Variants in PIK3CA observed in about 807,000 individuals in gnomAD.
The protein encoded by PIK3CA is phosphatidylinositol-4,5-bisphosphate 3-kinase catalytic subunit alpha, also known as phosphatidylinositol 4,5-bisphosphate 3-kinase catalytic subunit alpha isoform.
PIK3CA carries 27 observed loss-of-function variants against 138.2 expected under a neutral mutation model. The ratio of observed to expected loss-of-function variants is 0.20; its 90% CI spans 0.14 to 0.27. The LOEUF (loss-of-function observed/expected upper bound fraction) is 0.27, where lower values mean the gene tolerates loss of function less well. Among genes scored for constraint, PIK3CA ranks in the 10% least tolerant of loss-of-function variants. The pLI is 1.00. For synonymous variants in PIK3CA, 358 were observed against 413.2 expected (o/e 0.87, Z 1.62); for missense variants, 544 against 1,277.4 (o/e 0.43, Z 8.75).
At chr3:179,181,587 A>G (rs1723847725) in intron 1 of PIK3CA, among the ~76,000 whole-genome samples, 1 of 152,118 alleles carries the variant, frequency 6.6e-6, no homozygotes, top group Admixed American at 6.5e-5. Context: ...AGGACCCATA[A>G]TTTTATTTTT....
intron 16 of PIK3CA, among the ~76,000 whole-genome samples, chr3:179,225,155 C>T (rs1267234522): frequency 1.3e-5 from 2 of 151,192 alleles, no homozygotes; most frequent in Non-Finnish European, 2.9e-5. Context: ...TTCTAATTAT[C>T]ATTTGCTTAG....
chr3:179,210,849 A>G (rs1432310335), intron 9 of PIK3CA, among the ~76,000 whole-genome samples: 1 of 152,258 alleles, frequency 6.6e-6, no homozygotes, highest in Non-Finnish European at 1.5e-5. Context: ...TGAACTAAAC[A>G]GACCTTCATT....
chr3:179,189,165 A>G (rs1186469366), intron 1 of PIK3CA, among the ~76,000 whole-genome samples: 5 of 152,098 alleles, frequency 3.3e-5, no homozygotes, highest in Non-Finnish European at 7.4e-5. Flanking sequence ...AGTGAGCCGA[A>G]ATCATGCCAC....
intron 1 of PIK3CA, among the ~76,000 whole-genome samples, chr3:179,156,006 G>A (rs1409614348): frequency 2.6e-5 from 4 of 152,200 alleles, no homozygotes; most frequent in African/African-American, 7.2e-5. Flanking sequence ...CCCAAATGCT[G>A]AGATTCCTAG....
chr3:179,163,709 G>A (rs150067831), intron 1 of PIK3CA, among the ~76,000 whole-genome samples: 7 of 152,132 alleles, frequency 4.6e-5, no homozygotes, highest in South Asian at 4.1e-4. Flanking sequence ...TACTAAAGAG[G>A]AAATGCAGGT....
At chr3:179,149,458 A>G (rs1722952628) in intron 1 of PIK3CA, 1 of 152,172 alleles carries the variant, frequency 6.6e-6, no homozygotes, top group Non-Finnish European at 1.5e-5. Flanking sequence ...CAGACTTGGG[A>G]ATCGAAAGCT....
chr3:179,163,406 A>G (rs536081825), intron 1 of PIK3CA, among the ~76,000 whole-genome samples: 65 of 152,286 alleles, frequency 4.3e-4, no homozygotes, highest in Non-Finnish European at 6.9e-4. Flanking sequence ...CTCTAGTCCA[A>G]GCTACTCAGG....
chr3:179,193,806 T>G (rs1724195910), intron 1 of PIK3CA, among the ~76,000 whole-genome samples: 1 of 152,248 alleles, frequency 6.6e-6, no homozygotes, highest in Non-Finnish European at 1.5e-5. Flanking sequence ...GAATCTTTAG[T>G]CCTGGCATTC....
At chr3:179,161,946 A>G (rs187925107) in intron 1 of PIK3CA, among the ~76,000 whole-genome samples, 3 of 152,298 alleles carry the variant, frequency 2.0e-5, no homozygotes, top group Admixed American at 2.0e-4. Context: ...TATTCAATAT[A>G]CCCTATAATT....
intron 9 of PIK3CA, 116 bp downstream of exon 9, chr3:179,210,681 G>A: frequency 1.1e-6 from 1 of 939,538 alleles, no homozygotes; most frequent in Non-Finnish European, 1.6e-6. Flanking sequence ...ATGAACTCTA[G>A]GACCAATATT....
At chr3:179,191,678 C>T (rs145262122) in intron 1 of PIK3CA, among the ~76,000 whole-genome samples, 3,745 of 152,048 alleles carry the variant, frequency 0.025, 153 homozygotes, top group African/African-American at 0.086. Context: ...CTCTTGTTGC[C>T]CAGGCTAGAG....
intron 1 of PIK3CA, among the ~76,000 whole-genome samples, chr3:179,171,044 C>T (rs931943001): frequency 1.3e-5 from 2 of 151,940 alleles, no homozygotes; most frequent in African/African-American, 4.8e-5. Flanking sequence ...TACTGGCCCA[C>T]AAAAATGAAA....
intron 4 of PIK3CA, among the ~76,000 whole-genome samples, chr3:179,202,691 C>G (rs959970046): frequency 6.6e-6 from 1 of 152,140 alleles, no homozygotes; most frequent in African/African-American, 2.4e-5. Flanking sequence ...AAAATTCAGA[C>G]CAGTATATTT....
intron 5 of PIK3CA, 146 bp from the exon 6 acceptor site, chr3:179,204,357 G>T (rs1724499317): frequency 4.2e-6 from 2 of 478,418 alleles, no homozygotes; most frequent in Non-Finnish European, 7.8e-6. Context: ...CTCTACATCA[G>T]TATTAACGTG....
At position 179,204,538 on chromosome 3, in the gene PIK3CA, A is replaced by T. The variant is rs767117813; in HGVS notation, c.1095A>T (p.Glu365Asp). 6.3e-7 allele frequency: 1 copy of T among 1,593,554 alleles called. No homozygotes were observed. The highest frequency in any genetic ancestry group is 8.6e-7 in the Non-Finnish European group (1 of 1,161,604). Residue 365 changes from glutamate to aspartate, a missense_variant, in exon 6 of 21, where the codon GAA (glutamate) becomes GAT (aspartate). By Grantham distance (45) the Glu-to-Asp change is conservative. Transcript: ENST00000263967. ...GAACAGGTATCTACCATGGAGGAGA[A>T]CCCTTATGTGACAATGTGAACACTC... is the stretch of plus-strand genomic sequence containing the variant. ...YVRTGIYHGGEPLCDNVNTQR... is the reference protein window; with the variant it reads ...YVRTGIYHGGDPLCDNVNTQR...
In PIK3CA at chr3:179,220,285, A is replaced by C. The variant is rs1184456176; in HGVS notation, c.2015+233A>C. Among the ~76,000 whole-genome samples the C allele has an allele frequency of 6.6e-6, 1 of 152,172 alleles. No homozygotes were observed. Among genetic ancestry groups the C allele is most frequent in the Non-Finnish European group, 1.5e-5 (1 of 68,004 alleles). On this transcript the variant is annotated intron_variant, in intron 13 of 20. Transcript: ENST00000263967. The surrounding 1 kb of genome is among the most constrained non-coding windows in gnomAD (Gnocchi z 4.1). Reference sequence around the variant, plus strand: ...CATGAATGAGAGCTTAAATATTTTTAAAGATTTTTGTTCTACTTAAGTCAA... The same window carrying C: ...CATGAATGAGAGCTTAAATATTTTTCAAGATTTTTGTTCTACTTAAGTCAA...
At chr3:179,209,791 T>C (rs1724660537) in intron 7 of PIK3CA, 91 bp downstream of exon 7, 2 of 606,778 alleles carry the variant, frequency 3.3e-6, no homozygotes, top group East Asian at 6.1e-5. Flanking sequence ...GGATGTTATT[T>C]TATATTTAAG....
chr3:179,222,449 AAAG>A, intron 14 of PIK3CA, among the ~76,000 whole-genome samples: 1 of 152,352 alleles, frequency 6.6e-6, no homozygotes, highest in East Asian at 1.9e-4. Flanking sequence ...AGCTGAGAAA[AAAG>A]AAACTAAATT....
chr3:179,232,056 C>A (rs545985585), intron 20 of PIK3CA, among the ~76,000 whole-genome samples: 1 of 152,050 alleles, frequency 6.6e-6, no homozygotes, highest in Non-Finnish European at 1.5e-5. Context: ...TCCCATTCTA[C>A]GGGTTGTCTG....
Sources: allele counts gnomAD v4.1 joint callset (sites outside exome capture counted in the v4.1 genomes callset), GRCh38; gene constraint gnomAD v4.1.1; non-coding constraint Gnocchi (gnomAD v3.1); transcripts MANE v1.5; gene names NCBI Gene and HGNC (gene_info 2026-07-23, HGNC 2026-07-21).